SLC6A20: variants seen among roughly 807,000 people sequenced by gnomAD.
SLC6A20 encodes the protein sodium- and chloride-dependent transporter XTRP3.
A neutral mutation model predicts 64.3 loss-of-function variants in SLC6A20; 73 were observed. The observed-to-expected ratio is 1.14, with a 90% confidence interval of 0.94 to 1.38. SLC6A20 has a LOEUF of 1.38. Among genes scored for constraint, SLC6A20 ranks in the 40% most tolerant of loss-of-function variants. SLC6A20 has a pLI of 0.00. For synonymous variants in SLC6A20, 347 were observed against 329.6 expected (o/e 1.05, Z -0.57); for missense variants, 725 against 772.8 (o/e 0.94, Z 0.73).
In SLC6A20 at chr3:45,770,201, C is replaced by CAGAT; in HGVS notation, c.1098+7_1098+8insATCT. On this transcript the variant is annotated splice_region_variant and intron_variant, in intron 7 of 10. Transcript: ENST00000358525. ...AAGCCAGTCCTTGACCTTGCCTGGG[C>CAGAT]ATCTTACCGTGTCTAGCTCCGATTC... is the stretch of plus-strand genomic sequence containing the variant. The CAGAT allele has an allele frequency of 6.2e-7, 1 of 1,614,102 alleles. No homozygotes were observed. The highest frequency in any genetic ancestry group is 8.5e-7 in the Non-Finnish European group (1 of 1,179,956).
At position 45,796,447 on chromosome 3, in the gene SLC6A20, G is replaced by A. The variant is rs776282814; in HGVS notation, c.-28C>T. On this transcript the variant is annotated 5_prime_UTR_variant, in exon 1 of 11. Coordinates refer to ENST00000358525, the MANE Select transcript of SLC6A20 (RefSeq NM_020208.4). ...CCCCGGCCTCGGCGCGCTCGGCTCC[G>A]GCTCGGGGGTCCGGCACGGCAGTCT... The A allele has an allele frequency of 1.2e-6, 2 of 1,601,594 alleles. No homozygotes were observed. Among genetic ancestry groups the A allele is most frequent in the South Asian group, 1.1e-5 (1 of 90,002 alleles).
chr3:45,765,648 TGAA>T lies in SLC6A20; in HGVS notation c.1189_1191del (p.Phe397del), dbSNP rs751315426. On this transcript the variant is annotated inframe_deletion, in exon 8 of 11. Transcript: ENST00000358525. This position sits in a 1 kb window ranked among gnomAD's most constrained non-coding sequence, Gnocchi z 4.2. ...CTCCCAATGCCCAGCATCAGCAGCA[TGAA>T]GAAGTAGAGCACCGACCACAGCTGG... 12 of 1,614,054 alleles carry T rather than the reference TGAA, an allele frequency of 7.4e-6. No individual in the cohort carries two copies. Among genetic ancestry groups the T allele is most frequent in the East Asian group, 2.2e-5 (1 of 44,890 alleles).
intron 1 of SLC6A20, among the ~76,000 whole-genome samples, chr3:45,795,691 G>A (rs1700334186): frequency 6.6e-6 from 1 of 152,212 alleles, no homozygotes. Flanking sequence ...GTGGCTGGCT[G>A]GCTGTCCCCG....
chr3:45,771,557 C>T (rs374707912), intron 5 of SLC6A20, 99 bp from the exon 6 acceptor site: 2 of 1,556,082 alleles, frequency 1.3e-6, no homozygotes, highest in East Asian at 2.3e-5. Flanking sequence ...AAGGAGCTCA[C>T]CTACAGCACG....
rs1407891101 is a variant in SLC6A20 at position 45,755,610 on chromosome 3, C to T, written c.*3368G>A. Reference sequence around the variant, plus strand: ...TCTGGCCATCGTGTCATGGCTACCACTAAGGGTACAGGGATGGAATGTCCC... The same window carrying T: ...TCTGGCCATCGTGTCATGGCTACCATTAAGGGTACAGGGATGGAATGTCCC... On this transcript the variant is annotated 3_prime_UTR_variant, in exon 11 of 11. Coordinates refer to ENST00000358525, the MANE Select transcript of SLC6A20 (RefSeq NM_020208.4). The T allele has an allele frequency of 6.6e-6, 1 of 152,632 alleles. No individual in the cohort carries two copies. The highest frequency in any genetic ancestry group is 2.4e-5 in the African/African-American group (1 of 41,452). The allele number at this position is 152,632 out of a possible 1,614,324, so 9.5% of individuals were successfully genotyped here. A position where few individuals can be genotyped will look rare whatever the true frequency, so the allele number is the denominator to read the frequency against.
At chr3:45,779,140 C>T (rs751616075) in intron 3 of SLC6A20, among the ~76,000 whole-genome samples, 1 of 152,214 alleles carries the variant, frequency 6.6e-6, no homozygotes, top group East Asian at 1.9e-4. Flanking sequence ...AGGCCTGGCT[C>T]AGGGGCAAAG....
intron 6 of SLC6A20, among the ~76,000 whole-genome samples, 157 bp downstream of exon 6, chr3:45,771,060 A>G (rs1042690099): frequency 6.6e-6 from 1 of 152,194 alleles, no homozygotes; most frequent in Non-Finnish European, 1.5e-5. Context: ...GACATGCCCC[A>G]GGCCCTCCAG....
At chr3:45,794,870 G>A (rs977972282) in intron 1 of SLC6A20, among the ~76,000 whole-genome samples, 1 of 152,136 alleles carries the variant, frequency 6.6e-6, no homozygotes. Context: ...AGAGCATATG[G>A]CAACATATGC....
chr3:45,795,657 G>C (rs142756178), intron 1 of SLC6A20, among the ~76,000 whole-genome samples: 180 of 152,310 alleles, frequency 1.2e-3, no homozygotes, highest in Non-Finnish European at 1.7e-3. Flanking sequence ...TTTCCGCAAC[G>C]CTAGGGGAGT....
At chr3:45,789,797 G>C (rs528043090) in intron 1 of SLC6A20, among the ~76,000 whole-genome samples, 16 of 151,878 alleles carry the variant, frequency 1.1e-4, no homozygotes, top group South Asian at 1.0e-3. Context: ...TCACTATATT[G>C]CTCAGGCTGA....
At chr3:45,760,796 T>C (rs1221188413) in intron 9 of SLC6A20, among the ~76,000 whole-genome samples, 2 of 152,266 alleles carry the variant, frequency 1.3e-5, no homozygotes, top group African/African-American at 2.4e-5. Context: ...TTTTGGGAGA[T>C]GTTGGCCCAA....
At chr3:45,759,152 C>A (rs2125715529) in intron 10 of SLC6A20, 25 bp from the exon 11 acceptor site, 1 of 1,596,180 alleles carries the variant, frequency 6.3e-7, no homozygotes. Context: ...TGAGTGTCAG[C>A]AGAGAGCACC....
intron 1 of SLC6A20, among the ~76,000 whole-genome samples, chr3:45,782,543 C>T (rs1700111337): frequency 6.6e-6 from 1 of 151,636 alleles, no homozygotes; most frequent in South Asian, 2.1e-4. Flanking sequence ...CATCTATCCA[C>T]CCTACATCCA....
Position 45,778,024 on chromosome 3 carries a change from G to A in SLC6A20, c.354+1985C>T, listed in dbSNP as rs115976298. ...GCAGCCAGGTTGAAGAAGGTTTAGCGTATAGGAGAACTTGTTAAATGGGCC... is the reference window on the plus strand; with the variant it reads ...GCAGCCAGGTTGAAGAAGGTTTAGCATATAGGAGAACTTGTTAAATGGGCC... On this transcript the variant is annotated intron_variant, in intron 3 of 10. Transcript: ENST00000358525. 3.8e-3 allele frequency among the ~76,000 whole-genome samples: 574 copies of A among 152,300 alleles called. 4 individuals carry two copies. The highest frequency in any genetic ancestry group is 6.4e-3 in the African/African-American group (268 of 41,578).
intron 1 of SLC6A20, among the ~76,000 whole-genome samples, chr3:45,793,700 G>A (rs1467908381): frequency 6.6e-6 from 1 of 152,168 alleles, no homozygotes; most frequent in African/African-American, 2.4e-5. Flanking sequence ...GGCACAGCCT[G>A]GCTCTGTGGT....
chr3:45,780,249 C>T (rs576373229), intron 2 of SLC6A20, 149 bp from the exon 3 acceptor site: 59 of 642,354 alleles, frequency 9.2e-5, no homozygotes, highest in South Asian at 6.0e-4. Flanking sequence ...GAGTATTAAG[C>T]GAGACCAGGC....
rs184655598 is a variant in SLC6A20, at chr3:45,764,790, G to A, written c.1303+747C>T. 2.1e-4 allele frequency among the ~76,000 whole-genome samples: 32 copies of A among 152,194 alleles called. No homozygotes were observed. The East Asian group carries it at 5.6e-3, about 27-fold the overall frequency. On this transcript the variant is annotated intron_variant, in intron 8 of 10. Coordinates refer to ENST00000358525, the MANE Select transcript of SLC6A20 (RefSeq NM_020208.4). ...GAACTCCAGGGGTGCATACTGCCTG[G>A]GAAGGGGTGTGAAGGAACTGTCTAG...
Position 45,755,893 on chromosome 3 carries a change from C to T in SLC6A20, c.*3085G>A, listed in dbSNP as rs893067761. 1 of 152,438 alleles carries T rather than the reference C, an allele frequency of 6.6e-6. No individual in the cohort carries two copies. Among genetic ancestry groups the T allele is most frequent in the Non-Finnish European group, 1.5e-5 (1 of 68,026 alleles). The allele number at this position is 152,438 out of a possible 1,614,324, so 9.4% of individuals were successfully genotyped here. On this transcript the variant is annotated 3_prime_UTR_variant, in exon 11 of 11. Coordinates refer to ENST00000358525, the MANE Select transcript of SLC6A20 (RefSeq NM_020208.4). ...AACTATTCCGTAGAAGTAACTCTTC[C>T]ATATAATTGGAAATGCTCAAAAATG...
At chr3:45,780,558 T>A (rs1700063230) in intron 2 of SLC6A20, among the ~76,000 whole-genome samples, 1 of 152,148 alleles carries the variant, frequency 6.6e-6, no homozygotes, top group South Asian at 2.1e-4. Flanking sequence ...ACAGTTATGC[T>A]CCCTCCTTGG....
Sources: allele counts gnomAD v4.1 joint callset (sites outside exome capture counted in the v4.1 genomes callset), GRCh38; gene constraint gnomAD v4.1.1; non-coding constraint Gnocchi (gnomAD v3.1); transcripts MANE v1.5; gene names NCBI Gene and HGNC (gene_info 2026-07-23, HGNC 2026-07-21).